The following TCF7L1 variants were observed in gnomAD, a reference collection of about 807,000 sequenced individuals.
TCF7L1 encodes the protein transcription factor 7 like 1, also known as transcription factor 7-like 1.
In TCF7L1, 18 loss-of-function variants were observed where a neutral mutation model predicts 63.7. The observed-to-expected ratio is 0.28, with a 90% CI of 0.20 to 0.42. The LOEUF is 0.42. Ranked by LOEUF, TCF7L1 falls within the 10% of genes least tolerant of loss-of-function variation. The pLI, the probability that TCF7L1 is intolerant of heterozygous loss-of-function variation, is 1.00. For synonymous variants in TCF7L1, 355 were observed against 340.9 expected (o/e 1.04, Z -0.46); for missense variants, 654 against 779.3 (o/e 0.84, Z 1.91).
rs1677514402 is a variant in TCF7L1, at chr2:85,133,715, G to A, written c.31G>A (p.Gly11Ser). 1.8e-6 allele frequency: 2 copies of A among 1,137,086 alleles called. No individual in the cohort carries two copies. The highest frequency in any genetic ancestry group is 1.1e-6 in the Non-Finnish European group (1 of 928,280). The allele number at this position is 1,137,086 out of a possible 1,614,324, so 70.4% of individuals were successfully genotyped here. A position where few individuals can be genotyped will look rare whatever the true frequency, so the allele number is the denominator to read the frequency against. The change falls in exon 1 of 12, where the codon GGC becomes AGC. Residue 11 changes from glycine (G) to serine (S), a missense_variant. Physicochemically the swap from Gly to Ser is moderately conservative, Grantham distance 56. Coordinates refer to ENST00000282111, the MANE Select transcript of TCF7L1 (RefSeq NM_031283.3). This position sits in a 1 kb window ranked among gnomAD's most constrained non-coding sequence, Gnocchi z 4.4. ...CCAGCTCGGCGGCGGGGGCGGCGGCGGCGGCGGCGGCAGCGGGGGAGGCGG... is the reference window on the plus strand; with the variant it reads ...CCAGCTCGGCGGCGGGGGCGGCGGCAGCGGCGGCGGCAGCGGGGGAGGCGG... MPQLGGGGGG[G>S]GGGSGGGGGS...
At chr2:85,194,124 G>T (rs534281197) in intron 3 of TCF7L1, among the ~76,000 whole-genome samples, 2 of 151,982 alleles carry the variant, frequency 1.3e-5, no homozygotes, top group East Asian at 3.9e-4. Flanking sequence ...AGAGGAGAAG[G>T]GGGGAATAAA....
rs777761827 is a variant in TCF7L1 at position 85,303,875 on chromosome 2, A to G, written c.659-20A>G. 8.2e-6 allele frequency: 13 copies of G among 1,578,748 alleles called. No individual in the cohort carries two copies. In the South Asian group the frequency reaches 1.3e-4, roughly 16 times the overall value. ...TGGCAGGGCGAGGGAACAGTCTGAC[A>G]TATCTCTCTTTGGAAGCAGGAATCC... On this transcript the variant is annotated intron_variant, in intron 5 of 11. Transcript: ENST00000282111.
At chr2:85,264,559 A>G (rs188028053) in intron 3 of TCF7L1, among the ~76,000 whole-genome samples, 2 of 152,316 alleles carry the variant, frequency 1.3e-5, no homozygotes, top group East Asian at 3.9e-4. Flanking sequence ...CTCGGTCCTC[A>G]AACAGCTGCT....
intron 4 of TCF7L1, among the ~76,000 whole-genome samples, chr2:85,284,658 G>A (rs1053518586): frequency 6.6e-6 from 1 of 152,184 alleles, no homozygotes; most frequent in African/African-American, 2.4e-5. Context: ...GTGAGCCTCA[G>A]AATCAGGGAA....
intron 3 of TCF7L1, among the ~76,000 whole-genome samples, chr2:85,203,413 G>A (rs1286027496): frequency 2.0e-5 from 3 of 152,128 alleles, no homozygotes; most frequent in Non-Finnish European, 4.4e-5. Flanking sequence ...CAGCTAAATG[G>A]AAAATGTATA....
intron 3 of TCF7L1, among the ~76,000 whole-genome samples, chr2:85,196,866 C>G (rs1228907397): frequency 6.6e-6 from 1 of 152,182 alleles, no homozygotes; most frequent in African/African-American, 2.4e-5. Flanking sequence ...TTCCCACTGC[C>G]CAACCCCTTC....
chr2:85,148,553 C>T (rs6754217), intron 3 of TCF7L1, among the ~76,000 whole-genome samples: 13,376 of 152,118 alleles, frequency 0.088, 676 homozygotes, highest in African/African-American at 0.11. Flanking sequence ...CTTTGAGAAG[C>T]ACTGAAGTAA....
intron 3 of TCF7L1, among the ~76,000 whole-genome samples, chr2:85,138,015 C>T (rs1322591239): frequency 6.6e-6 from 1 of 152,042 alleles, no homozygotes; most frequent in Non-Finnish European, 1.5e-5. Flanking sequence ...AGCAAGCCAG[C>T]TACAATGTGA....
chr2:85,280,044 A>G (rs780901918), intron 3 of TCF7L1, among the ~76,000 whole-genome samples: 13 of 152,236 alleles, frequency 8.5e-5, no homozygotes, highest in Non-Finnish European at 1.6e-4. Context: ...ACAAGCATAC[A>G]TAAATGTACC....
At chr2:85,164,471 A>G (rs1678368798) in intron 3 of TCF7L1, among the ~76,000 whole-genome samples, 1 of 152,132 alleles carries the variant, frequency 6.6e-6, no homozygotes, top group East Asian at 1.9e-4. Context: ...CTACTTTGGA[A>G]TGGACATCTC....
chr2:85,242,575 C>T (rs1486446643), intron 3 of TCF7L1, among the ~76,000 whole-genome samples: 1 of 152,220 alleles, frequency 6.6e-6, no homozygotes, highest in Non-Finnish European at 1.5e-5. Context: ...GGTCCATCTG[C>T]AGCCTTCCTC....
At position 85,133,959 on chromosome 2, in the gene TCF7L1, G is replaced by A. The variant is rs1457657090; in HGVS notation, c.249+26G>A. ...GTAAGGAAGCACCGCGGCCACCCCC[G>A]GGGGATCCCGGCCCTGCGTCCGCTC... On this transcript the variant is annotated intron_variant, in intron 1 of 11. Coordinates refer to ENST00000282111, the MANE Select transcript of TCF7L1 (RefSeq NM_031283.3). This position sits in a 1 kb window ranked among gnomAD's most constrained non-coding sequence, Gnocchi z 4.4. 2 of 1,574,396 alleles carry A rather than the reference G, an allele frequency of 1.3e-6. No homozygotes were observed. Among genetic ancestry groups the A allele is most frequent in the South Asian group, 1.2e-5 (1 of 85,994 alleles).
At chr2:85,300,251 A>G (rs1450314857) in intron 4 of TCF7L1, among the ~76,000 whole-genome samples, 2 of 152,118 alleles carry the variant, frequency 1.3e-5, no homozygotes, top group East Asian at 3.9e-4. Context: ...TCACGCTGGT[A>G]ATAATTCTAT....
intron 3 of TCF7L1, among the ~76,000 whole-genome samples, chr2:85,212,778 C>A (rs1679599253): frequency 6.6e-6 from 1 of 152,102 alleles, no homozygotes; most frequent in South Asian, 2.1e-4. Flanking sequence ...GATGTCATCA[C>A]CCCCAGGTTG....
At chr2:85,144,719 CTGTGTGTGTG>C (rs772295408) in intron 3 of TCF7L1, among the ~76,000 whole-genome samples, 5 of 140,452 alleles carry the variant, frequency 3.6e-5, no homozygotes, top group South Asian at 2.3e-4. Flanking sequence ...CTCTCTCTCT[CTGTGTGTGTG>C]TGTGTGTGTG....
chr2:85,295,719 A>G (rs1486167400), intron 4 of TCF7L1, among the ~76,000 whole-genome samples: 1 of 151,556 alleles, frequency 6.6e-6, no homozygotes, highest in African/African-American at 2.4e-5. Flanking sequence ...CTAAGAACAA[A>G]GGCATTCTCT....
At chr2:85,304,082 G>A in intron 6 of TCF7L1, 85 bp downstream of exon 6, 1 of 1,253,812 alleles carries the variant, frequency 8.0e-7, no homozygotes, top group South Asian at 1.3e-5. Context: ...GCACAGTGGA[G>A]CCCCCTCAGA....
chr2:85,172,721 C>T (rs1208308416), intron 3 of TCF7L1, among the ~76,000 whole-genome samples: 7 of 152,296 alleles, frequency 4.6e-5, no homozygotes, highest in Middle Eastern at 3.4e-3. Flanking sequence ...CCACCGCGCC[C>T]GGCCACCTAG....
intron 3 of TCF7L1, among the ~76,000 whole-genome samples, chr2:85,168,770 C>T (rs572419394): frequency 7.9e-5 from 12 of 152,222 alleles, no homozygotes; most frequent in East Asian, 1.9e-4. Context: ...TACAGGCACC[C>T]GCTACCACAC....
Sources: gnomAD v4.1 joint callset for allele counts (sites outside exome capture counted in the v4.1 genomes callset) on GRCh38, gnomAD v4.1.1 for gene constraint, Gnocchi (gnomAD v3.1) non-coding constraint, MANE v1.5 for transcripts, NCBI Gene and HGNC (gene_info 2026-07-23, HGNC 2026-07-21) for gene names.